APLP2: variants seen among roughly 807,000 people sequenced by gnomAD.
APLP2 encodes the protein amyloid beta precursor like protein 2, also known as CDEI box-binding protein.
A neutral mutation model predicts 89.9 loss-of-function variants in APLP2; 53 were observed. The observed-to-expected ratio is 0.59, with a 90% CI of 0.47 to 0.74. The LOEUF (loss-of-function observed/expected upper bound fraction) is 0.74. Among genes scored for constraint, APLP2 ranks in the 30% least tolerant of loss-of-function variants. The pLI is 0.00. For synonymous variants in APLP2, 372 were observed against 348.6 expected (o/e 1.07, Z -0.75); for missense variants, 973 against 975.9 (o/e 1.00, Z 0.04).
intron 3 of APLP2, among the ~76,000 whole-genome samples, chr11:130,113,838 A>C (rs1350690300): frequency 6.6e-6 from 1 of 152,226 alleles, no homozygotes; most frequent in African/African-American, 2.4e-5. Flanking sequence ...GGTTACAAAA[A>C]TGGCACAGAG....
chr11:130,081,104 A>ACC (rs920200300), intron 1 of APLP2, among the ~76,000 whole-genome samples: 1 of 151,658 alleles, frequency 6.6e-6, no homozygotes, highest in African/African-American at 2.4e-5. Flanking sequence ...CAAAAAACAA[A>ACC]CCCCCCCAAA....
chr11:130,143,207 A>C, intron 16 of APLP2, 140 bp from the exon 17 acceptor site: 2 of 716,848 alleles, frequency 2.8e-6, no homozygotes, highest in South Asian at 3.3e-5. Flanking sequence ...ACCGGTTCTC[A>C]TTTGGCCTGT....
chr11:130,121,615 C>A lies in APLP2; in HGVS notation c.518C>A (p.Ala173Glu). The A allele has an allele frequency of 6.2e-7, 1 of 1,611,774 alleles. No homozygotes were observed. ...HQHWHTVVKE[A>E]CLTQGMTLYS... is the part of the protein sequence containing the mutation. The stretch of plus-strand genomic sequence containing the variant: ...ATGTGGCCTGTGGGTTTCTTTTAGG[C>A]ATGTCTGACTCAGGGAATGACCTTA... The change falls in exon 5 of 17, where the codon GCA becomes GAA. Residue 173 changes from alanine (A) to glutamate (E), a missense_variant and splice_region_variant. Ala to Glu is a moderately radical substitution (Grantham distance 107). Transcript: ENST00000338167.
intron 13 of APLP2, chr11:130,137,139 CTT>C: frequency 1.1e-6 from 1 of 937,080 alleles, no homozygotes; most frequent in Non-Finnish European, 1.7e-6. Flanking sequence ...AGGAGGAATA[CTT>C]TTTGTTCACA....
chr11:130,133,802 G>A, intron 12 of APLP2, 74 bp downstream of exon 12: 2 of 1,195,852 alleles, frequency 1.7e-6, no homozygotes, highest in East Asian at 4.7e-5. Flanking sequence ...CTGGGCAAGA[G>A]TAGAGAGAGA....
Position 130,070,083 on chromosome 11 carries a change from G to A in APLP2, c.105+1G>A. 1.4e-6 allele frequency: 2 copies of A among 1,447,772 alleles called. No individual in the cohort carries two copies. The highest frequency in any genetic ancestry group is 1.8e-6 in the Non-Finnish European group (2 of 1,107,292). The allele number at this position is 1,447,772 out of a possible 1,614,324, so 89.7% of individuals were successfully genotyped here. On this transcript the variant is annotated splice_donor_variant, in intron 1 of 16. Coordinates refer to ENST00000338167, the MANE Select transcript of APLP2 (RefSeq NM_001142276.2). LOFTEE classifies it high-confidence loss of function. Reference sequence around the variant, plus strand: ...CTTGGCGCTGGCCGGCTACATCGAGGTGGGGACCGGGCGAACGCCGGAGAG... The same window carrying A: ...CTTGGCGCTGGCCGGCTACATCGAGATGGGGACCGGGCGAACGCCGGAGAG...
chr11:130,119,093 C>G (rs951712356), intron 3 of APLP2, among the ~76,000 whole-genome samples: 1 of 152,162 alleles, frequency 6.6e-6, no homozygotes, highest in Non-Finnish European at 1.5e-5. Context: ...TCCATGATGG[C>G]GAGGCTGGGT....
At chr11:130,098,484 T>C (rs903415041) in intron 1 of APLP2, among the ~76,000 whole-genome samples, 2 of 152,206 alleles carry the variant, frequency 1.3e-5, no homozygotes, top group Admixed American at 1.3e-4. Context: ...AAAAGAGATC[T>C]AGTGAAGTCA....
intron 13 of APLP2, among the ~76,000 whole-genome samples, chr11:130,138,224 T>C (rs899087983): frequency 6.6e-6 from 1 of 152,214 alleles, no homozygotes; most frequent in Non-Finnish European, 1.5e-5. Context: ...GGCCAAACGG[T>C]GTTGCCCGGC....
intron 1 of APLP2, among the ~76,000 whole-genome samples, chr11:130,084,162 C>T (rs924825973): frequency 2.6e-5 from 4 of 151,990 alleles, no homozygotes; most frequent in African/African-American, 9.6e-5. Context: ...AGGAGAATGG[C>T]GTGAACCTGG....
chr11:130,135,982 G>A (rs1414192894), intron 13 of APLP2, among the ~76,000 whole-genome samples: 1 of 152,142 alleles, frequency 6.6e-6, no homozygotes, highest in East Asian at 1.9e-4. Context: ...CTTCCAACTT[G>A]TGCACTTCCT....
At chr11:130,080,969 G>A (rs979535419) in intron 1 of APLP2, among the ~76,000 whole-genome samples, 1 of 151,982 alleles carries the variant, frequency 6.6e-6, no homozygotes, top group African/African-American at 2.4e-5. Flanking sequence ...GATTACAGGC[G>A]TGAGCCACCA....
At chr11:130,081,021 G>C (rs1012885360) in intron 1 of APLP2, among the ~76,000 whole-genome samples, 1 of 151,962 alleles carries the variant, frequency 6.6e-6, no homozygotes, top group African/African-American at 2.4e-5. Flanking sequence ...CATATGCTTT[G>C]AGCTACAAAC....
intron 1 of APLP2, among the ~76,000 whole-genome samples, chr11:130,080,674 C>G (rs1468632491): frequency 1.3e-5 from 2 of 150,838 alleles, no homozygotes; most frequent in African/African-American, 4.9e-5. Flanking sequence ...CTGTGGAGTC[C>G]TGTCAGTTTC....
chr11:130,115,033 C>T (rs369007243), intron 3 of APLP2, among the ~76,000 whole-genome samples: 41 of 151,836 alleles, frequency 2.7e-4, no homozygotes, highest in Non-Finnish European at 5.9e-5. Flanking sequence ...CGAGAGGTAG[C>T]GTGGATCCTT....
chr11:130,079,481 T>C (rs910027346), intron 1 of APLP2, among the ~76,000 whole-genome samples: 24 of 152,220 alleles, frequency 1.6e-4, no homozygotes, highest in African/African-American at 5.8e-4. Context: ...TGTGTATCTT[T>C]TGTTAGATTT....
intron 3 of APLP2, among the ~76,000 whole-genome samples, chr11:130,111,557 A>T (rs543724561): frequency 6.6e-6 from 1 of 152,214 alleles, no homozygotes; most frequent in Non-Finnish European, 1.5e-5. Flanking sequence ...ATGGAATGTG[A>T]TACTTTTTCT....
rs573235215 is a variant in APLP2 at position 130,071,934 on chromosome 11, A to G, written c.105+1852A>G. Among the ~76,000 whole-genome samples the G allele has an allele frequency of 5.3e-5, 8 of 152,340 alleles. No individual in the cohort carries two copies. In the East Asian group the frequency reaches 1.3e-3, roughly 26 times the overall value. Reference sequence around the variant, plus strand: ...TGATTTTGTTTATTTGCTGTCAGGCAAGGGACTGTCGAAGCTTAATTTAGA... The same window carrying G: ...TGATTTTGTTTATTTGCTGTCAGGCGAGGGACTGTCGAAGCTTAATTTAGA... On this transcript the variant is annotated intron_variant, in intron 1 of 16. Coordinates refer to ENST00000338167, the MANE Select transcript of APLP2 (RefSeq NM_001142276.2).
In APLP2 at chr11:130,101,199, T is replaced by C. The variant is rs112583162; in HGVS notation, c.106-8230T>C. Among the ~76,000 whole-genome samples, 1,463 of 152,344 alleles carry C rather than the reference T, an allele frequency of 9.6e-3. 10 individuals are homozygous for C. The highest frequency in any genetic ancestry group is 0.019 in the South Asian group (93 of 4,826). On this transcript the variant is annotated intron_variant, in intron 1 of 16. Coordinates refer to ENST00000338167, the MANE Select transcript of APLP2 (RefSeq NM_001142276.2). ...TTGTTGTTGTTGTTGTTTTTTGAGA[T>C]GGAGTCTCGCTCTGTCGCCCAGGCG...
Sources: allele counts gnomAD v4.1 joint callset (sites outside exome capture counted in the v4.1 genomes callset), GRCh38; gene constraint gnomAD v4.1.1; transcripts MANE v1.5; gene names NCBI Gene and HGNC (gene_info 2026-07-23, HGNC 2026-07-21).